ZNF44: variants seen among roughly 807,000 people sequenced by gnomAD.
ZNF44 encodes zinc finger protein 44.
Under a neutral mutation model 11.7 loss-of-function variants are expected in ZNF44, and 9 were observed. The ratio of observed to expected loss-of-function variants is 0.77; its 90% CI spans 0.46 to 1.35. The LOEUF is 1.35. ZNF44 is among the 40% of genes most tolerant of loss of function. ZNF44 has a pLI of 0.00. For synonymous variants in ZNF44, 224 were observed against 242.7 expected (o/e 0.92, Z 0.72); for missense variants, 696 against 743.1 (o/e 0.94, Z 0.74).
At chr19:12,256,608 T>C (rs1458391833) in intron 5 of ZNF44, among the ~76,000 whole-genome samples, 3 of 152,268 alleles carry the variant, frequency 2.0e-5, no homozygotes, top group South Asian at 2.1e-4. Flanking sequence ...GATGGGGCAA[T>C]AGCCCTTCCA....
chr19:12,267,896 G>T (rs1056480586), downstream of ZNF44, among the ~76,000 whole-genome samples: 3 of 150,764 alleles, frequency 2.0e-5, no homozygotes, highest in African/African-American at 7.3e-5. Flanking sequence ...GAGTACAGTG[G>T]TGTGATCTCG....
downstream of ZNF44, among the ~76,000 whole-genome samples, chr19:12,245,829 C>T (rs1394276072): frequency 6.6e-6 from 1 of 151,840 alleles, no homozygotes; most frequent in Non-Finnish European, 1.5e-5. Context: ...AGCCTAATGA[C>T]ATGAAAGCTG....
chr19:12,248,890 G>A (rs963025269), intron 7 of ZNF44, among the ~76,000 whole-genome samples: 3 of 147,278 alleles, frequency 2.0e-5, no homozygotes, highest in African/African-American at 7.5e-5. Context: ...TCATATATGG[G>A]TTTCTCTTTT....
At chr19:12,254,138 A>C (rs1917142450) in intron 5 of ZNF44, among the ~76,000 whole-genome samples, 1 of 151,958 alleles carries the variant, frequency 6.6e-6, no homozygotes, top group Non-Finnish European at 1.5e-5. Flanking sequence ...ACATTGTGGG[A>C]CATAAAACAA....
At chr19:12,293,424 A>T in intron 1 of ZNF44, 3 of 1,500,610 alleles carry the variant, frequency 2.0e-6, no homozygotes, top group Non-Finnish European at 2.7e-6. Context: ...TGTAAAGGAC[A>T]TACTGAGAAG....
At chr19:12,232,082 A>G (rs539715507) in intron 2 of ZNF44, among the ~76,000 whole-genome samples, 1 of 152,324 alleles carries the variant, frequency 6.6e-6, no homozygotes, top group East Asian at 1.9e-4. Flanking sequence ...TCAGCAGACA[A>G]ATACGTGAAC....
chr19:12,230,577 C>G (rs1412969463), intron 2 of ZNF44: 1 of 135,508 alleles, frequency 7.4e-6, no homozygotes, highest in Non-Finnish European at 1.5e-5. Flanking sequence ...AAAAAGACAA[C>G]GAGTGGTGGC....
chr19:12,247,296 T>C, downstream of ZNF44: 3 of 1,236,964 alleles, frequency 2.4e-6, no homozygotes, highest in Non-Finnish European at 3.1e-6. Context: ...GTGCACTTTC[T>C]TCACATGGTA....
At chr19:12,247,908 T>G (rs574686897) in exon 8 of ZNF44, 2 of 1,339,010 alleles carry the variant, frequency 1.5e-6, no homozygotes, top group Admixed American at 4.1e-5. Context: ...AGCAGTACAG[T>G]GGTAACTGAA....
chr19:12,273,577 T>C lies in ZNF44; in HGVS notation c.678A>G (p.Glu226=). The C allele has an allele frequency of 6.2e-7, 1 of 1,614,186 alleles. No homozygotes were observed. Among genetic ancestry groups the C allele is most frequent in the East Asian group, 2.2e-5 (1 of 44,878 alleles). The change falls in exon 4 of 4, where the codon GAA becomes GAG. Residue 226 remains glutamate (E), a synonymous_variant. Transcript: ENST00000355684. ...GGAAGGCTTTAGAACACTGCTTACA[T>C]TCATATGGTTTCTCTCCAGTGTGAG... ...ERTHTGEKPY[E]CKQCSKAFPV...
chr19:12,291,321 T>C (rs941935012), intron 1 of ZNF44: 2 of 427,122 alleles, frequency 4.7e-6, no homozygotes, highest in African/African-American at 4.2e-5. Flanking sequence ...CACATTCTTG[T>C]GAAAATATAT....
downstream of ZNF44, among the ~76,000 whole-genome samples, chr19:12,246,945 T>C (rs1916782802): frequency 6.6e-6 from 1 of 151,688 alleles, no homozygotes; most frequent in Non-Finnish European, 1.5e-5. Context: ...GGTGGGAGGA[T>C]TACTTGAGGT....
chr19:12,235,529 C>T (rs1916352199), intron 1 of ZNF44, among the ~76,000 whole-genome samples: 1 of 152,124 alleles, frequency 6.6e-6, no homozygotes, highest in Admixed American at 6.5e-5. Flanking sequence ...AACTATAGAC[C>T]AGTAACTCTC....
chr19:12,279,587 T>C (rs893641471), intron 1 of ZNF44, among the ~76,000 whole-genome samples: 1 of 151,914 alleles, frequency 6.6e-6, no homozygotes, highest in African/African-American at 2.4e-5. Context: ...CCTCAGACAC[T>C]GGATTTACTG....
intron 2 of ZNF44, among the ~76,000 whole-genome samples, chr19:12,231,242 G>T (rs1916152489): frequency 6.6e-6 from 1 of 152,096 alleles, no homozygotes; most frequent in African/African-American, 2.4e-5. Context: ...GTGGGGACAT[G>T]GTTTGTGAGT....
chr19:12,249,915 A>T, intron 7 of ZNF44: 1 of 1,104,762 alleles, frequency 9.1e-7, no homozygotes, highest in South Asian at 1.4e-5. Context: ...TTAATTATCA[A>T]ATTTAATGAC....
At chr19:12,239,455 T>C (rs1267519961), upstream of ZNF44, among the ~76,000 whole-genome samples, 1 of 143,072 alleles carries the variant, frequency 7.0e-6, no homozygotes, top group Non-Finnish European at 1.5e-5. Flanking sequence ...GGGGTCTCAC[T>C]ATGTTGCTGA....
At chr19:12,240,970 A>T (rs1916593940), upstream of ZNF44, among the ~76,000 whole-genome samples, 1 of 152,238 alleles carries the variant, frequency 6.6e-6, no homozygotes, top group African/African-American at 2.4e-5. Context: ...GCACCAAAAG[A>T]CAACATACAG....
At position 12,266,734 on chromosome 19, in the gene ZNF44, T is replaced by C. The variant is rs1471803458; in HGVS notation, c.1912+5753A>G. ...GTTTAAATAAGAAACCAGCAGGACA[T>C]GCCCTCGCCAGAGGACATTGGAATT... On this transcript the variant is annotated intron_variant and NMD_transcript_variant, in intron 5 of 7. Coordinates refer to the ZNF44 transcript ENST00000393337. 2.0e-5 allele frequency among the ~76,000 whole-genome samples: 3 copies of C among 152,218 alleles called. 1 individual carries two copies. In the South Asian group the frequency reaches 6.2e-4, roughly 32 times the overall value.
Sources: gnomAD v4.1 joint callset for allele counts (sites outside exome capture counted in the v4.1 genomes callset) on GRCh38, gnomAD v4.1.1 for gene constraint, MANE v1.5 for transcripts, NCBI Gene and HGNC (gene_info 2026-07-23, HGNC 2026-07-21) for gene names.